DLG2: variants seen among roughly 807,000 people sequenced by gnomAD.
DLG2 encodes the protein discs large MAGUK scaffold protein 2.
A neutral mutation model predicts 132.5 loss-of-function variants in DLG2; 45 were observed. That is an observed-to-expected ratio of 0.34 (90% CI 0.27 to 0.44). DLG2 has a LOEUF of 0.44. Ranked by LOEUF, DLG2 falls within the 20% of genes least tolerant of loss-of-function variation. The pLI, the probability that DLG2 is intolerant of heterozygous loss-of-function variation, is 1.00. For missense variants in DLG2, 1,045 were observed against 1,196.9 expected, an observed-to-expected ratio of 0.87 and a Z score of 1.87; for synonymous variants, 424 against 419.6, an observed-to-expected ratio of 1.01 and a Z score of -0.13.
chr11:83,732,433 G>A (rs900354858), intron 18 of DLG2, among the ~76,000 whole-genome samples: 19 of 152,010 alleles, frequency 1.2e-4, no homozygotes, highest in Non-Finnish European at 2.4e-4. Context: ...AGTTTTATAT[G>A]GAACCAAAAT....
At chr11:84,502,048 TTTC>T (rs1342956258) in intron 7 of DLG2, among the ~76,000 whole-genome samples, 2 of 151,674 alleles carry the variant, frequency 1.3e-5, no homozygotes, top group Non-Finnish European at 2.9e-5. Context: ...TTGCCTTTCT[TTTC>T]TTTTCTTTTT....
At chr11:83,668,922 C>T (rs964753301) in intron 18 of DLG2, among the ~76,000 whole-genome samples, 6 of 150,460 alleles carry the variant, frequency 4.0e-5, no homozygotes, top group African/African-American at 1.5e-4. Flanking sequence ...GTTATTCGCT[C>T]AGCACCAAAT....
intron 6 of DLG2, among the ~76,000 whole-genome samples, chr11:84,883,508 A>G (rs2087710852): frequency 6.6e-6 from 1 of 152,058 alleles, no homozygotes; most frequent in South Asian, 2.1e-4. Context: ...AATAATTTTA[A>G]AAAACAAAGA....
chr11:83,779,881 T>C lies in DLG2; in HGVS notation c.1825+6809A>G, dbSNP rs1468698370. ...AGATGTAATGTTAGCGACAAAACTT[T>C]CAAGTAATGAAACTTATGCTTCTAT... On this transcript the variant is annotated intron_variant, in intron 18 of 27. Transcript: ENST00000376104. 2.6e-5 allele frequency among the ~76,000 whole-genome samples: 4 copies of C among 152,188 alleles called. No individual in the cohort carries two copies. In the East Asian group the frequency reaches 7.7e-4, roughly 29 times the overall value.
intron 21 of DLG2, among the ~76,000 whole-genome samples, chr11:83,487,148 T>G (rs1270856425): frequency 1.3e-5 from 2 of 152,208 alleles, no homozygotes; most frequent in East Asian, 3.9e-4. Flanking sequence ...TCTTTGTCTC[T>G]CTAGTGACAG....
At chr11:84,853,592 G>T (rs139142654) in intron 6 of DLG2, among the ~76,000 whole-genome samples, 2 of 151,916 alleles carry the variant, frequency 1.3e-5, no homozygotes, top group Non-Finnish European at 2.9e-5. Flanking sequence ...ACCCTGCATC[G>T]AGCACTGTGC....
chr11:84,310,001 T>C (rs909521536), intron 7 of DLG2, among the ~76,000 whole-genome samples: 2 of 152,170 alleles, frequency 1.3e-5, no homozygotes, highest in African/African-American at 4.8e-5. Flanking sequence ...ACATAGTTCT[T>C]AACCATAATA....
chr11:85,497,608 C>T (rs2093696985), intron 3 of DLG2, among the ~76,000 whole-genome samples: 1 of 152,064 alleles, frequency 6.6e-6, no homozygotes, highest in Non-Finnish European at 1.5e-5. Flanking sequence ...AAAAGAGCAA[C>T]ACCAAGACAC....
upstream of DLG2, among the ~76,000 whole-genome samples, chr11:85,628,236 G>A (rs979336101): frequency 6.6e-6 from 1 of 152,220 alleles, no homozygotes; most frequent in African/African-American, 2.4e-5. Flanking sequence ...AGGACTGAAA[G>A]GGGCAGGCAG....
At chr11:84,801,889 T>G (rs2075423005) in intron 6 of DLG2, among the ~76,000 whole-genome samples, 1 of 152,184 alleles carries the variant, frequency 6.6e-6, no homozygotes, top group African/African-American at 2.4e-5. Context: ...TGAGAACACA[T>G]CAAAAGAATT....
chr11:85,394,229 T>A (rs1254864254), intron 3 of DLG2, among the ~76,000 whole-genome samples: 1 of 152,220 alleles, frequency 6.6e-6, no homozygotes, highest in East Asian at 1.9e-4. Context: ...ATATGTTAAT[T>A]AGATTGATTT....
intron 17 of DLG2, among the ~76,000 whole-genome samples, chr11:83,819,977 T>A (rs1042312994): frequency 6.6e-6 from 1 of 152,192 alleles, no homozygotes; most frequent in Non-Finnish European, 1.5e-5. Flanking sequence ...TCACAAATGT[T>A]ACTTTCAGGT....
At chr11:85,037,150 A>G (rs2061496481) in intron 6 of DLG2, among the ~76,000 whole-genome samples, 3 of 152,210 alleles carry the variant, frequency 2.0e-5, no homozygotes, top group Admixed American at 2.0e-4. Context: ...TAGTTTTACT[A>G]TGCATCCACA....
At chr11:84,694,421 A>G (rs2058395618) in intron 6 of DLG2, among the ~76,000 whole-genome samples, 1 of 151,638 alleles carries the variant, frequency 6.6e-6, no homozygotes, top group Non-Finnish European at 1.5e-5. Context: ...TAAACATACA[A>G]TATTTTTATT....
intron 6 of DLG2, among the ~76,000 whole-genome samples, chr11:84,587,306 C>T (rs2099532093): frequency 6.6e-6 from 1 of 152,162 alleles, no homozygotes; most frequent in Non-Finnish European, 1.5e-5. Flanking sequence ...TTCTCTCCCT[C>T]ATAGGTATTT....
chr11:85,281,010 T>C (rs1317554352), intron 4 of DLG2, among the ~76,000 whole-genome samples: 1 of 152,040 alleles, frequency 6.6e-6, no homozygotes, highest in Non-Finnish European at 1.5e-5. Context: ...TAAAATGCTA[T>C]GGGATGTGAA....
intron 3 of DLG2, among the ~76,000 whole-genome samples, chr11:85,516,186 C>T (rs1428560847): frequency 6.6e-6 from 1 of 151,982 alleles, no homozygotes; most frequent in Non-Finnish European, 1.5e-5. Flanking sequence ...ACTCAACAAT[C>T]TTCTCCTGAA....
chr11:85,271,145 G>A (rs1043891954), intron 4 of DLG2, among the ~76,000 whole-genome samples: 2 of 152,198 alleles, frequency 1.3e-5, no homozygotes, highest in Admixed American at 6.5e-5. Flanking sequence ...GCAGTCTAGA[G>A]TGTCCTGTGT....
At chr11:83,548,670 T>C (rs1007358853) in intron 19 of DLG2, among the ~76,000 whole-genome samples, 3 of 152,158 alleles carry the variant, frequency 2.0e-5, no homozygotes, top group Admixed American at 2.0e-4. Flanking sequence ...GTTTGAGATA[T>C]AGGTATGATT....
Sources: allele counts gnomAD v4.1 joint callset (sites outside exome capture counted in the v4.1 genomes callset), GRCh38; gene constraint gnomAD v4.1.1; transcripts MANE v1.5; gene names NCBI Gene and HGNC (gene_info 2026-07-23, HGNC 2026-07-21).